The following PHAF1 variants were observed in gnomAD, a reference collection of about 807,000 sequenced individuals.
PHAF1 encodes phagophore assembly factor 1, also known as phagosome assembly factor 1.
Under a neutral mutation model 63.1 loss-of-function variants are expected in PHAF1, and 23 were observed. The observed-to-expected ratio is 0.36, with a 90% CI of 0.26 to 0.52. The LOEUF (loss-of-function observed/expected upper bound fraction) is 0.52, where lower values mean the gene tolerates loss of function less well. Ranked by LOEUF, PHAF1 falls within the 20% of genes least tolerant of loss-of-function variation. The probability of loss-of-function intolerance (pLI) is 0.93; values close to 1 mark genes in which losing one functional copy is unlikely to be tolerated. For missense variants in PHAF1, 427 were observed against 517.2 expected, an observed-to-expected ratio of 0.83 and a Z score of 1.69; for synonymous variants, 167 against 185.0, an observed-to-expected ratio of 0.90 and a Z score of 0.79.
intron 8 of PHAF1, among the ~76,000 whole-genome samples, chr16:67,136,754 A>G (rs1158694189): frequency 6.6e-6 from 1 of 151,566 alleles, no homozygotes; most frequent in Non-Finnish European, 1.5e-5. Context: ...AGCTAATTCT[A>G]TTTTTTTGTA....
At chr16:67,144,783 T>G (rs749657309) in intron 11 of PHAF1, 51 bp from the exon 12 acceptor site, 98 of 1,583,236 alleles carry the variant, frequency 6.2e-5, no homozygotes, top group Non-Finnish European at 8.7e-7. Flanking sequence ...AATATGGGAG[T>G]GGCCAGGCCT....
At position 67,123,580 on chromosome 16, in the gene PHAF1, A is replaced by T. The variant is rs186412110; in HGVS notation, c.148-2379A>T. 1.3e-3 allele frequency among the ~76,000 whole-genome samples: 194 copies of T among 152,046 alleles called. 4 individuals carry two copies. The East Asian group carries it at 0.027, about 21-fold the overall frequency. The stretch of plus-strand genomic sequence containing the variant: ...AGAGTGAGACTCCATCTCAAAAAAA[A>T]TTTTTTTGTAGAGACAGGGTCTCAT... On this transcript the variant is annotated intron_variant, in intron 2 of 15. Transcript: ENST00000219139.
intron 8 of PHAF1, among the ~76,000 whole-genome samples, chr16:67,138,926 A>G (rs1963701667): frequency 6.6e-6 from 1 of 151,826 alleles, no homozygotes. Context: ...GTACTTTTGT[A>G]GTTTTTTTTT....
rs1597219277 is a variant in PHAF1 at position 67,145,259 on chromosome 16, C to T, written c.1007-117C>T. On this transcript the variant is annotated intron_variant, in intron 12 of 15. Coordinates refer to ENST00000219139, the MANE Select transcript of PHAF1 (RefSeq NM_025187.5). ...GGAACTCCAAAACAGCCTGTTAATC[C>T]TCCCCATGTACTCCAACCCCAGTGC... 8 of 1,166,274 alleles carry T rather than the reference C, an allele frequency of 6.9e-6. No individual in the cohort carries two copies. In the East Asian group the frequency reaches 2.0e-4, roughly 30 times the overall value. The allele number at this position is 1,166,274 out of a possible 1,614,324, so 72.2% of individuals were successfully genotyped here.
At chr16:67,125,114 G>A (rs1963135932) in intron 2 of PHAF1, among the ~76,000 whole-genome samples, 1 of 152,100 alleles carries the variant, frequency 6.6e-6, no homozygotes, top group Non-Finnish European at 1.5e-5. Flanking sequence ...CAGGTATTGG[G>A]CTAGATGCTT....
At chr16:67,127,028 A>G (rs1321388185) in intron 3 of PHAF1, among the ~76,000 whole-genome samples, 3 of 151,752 alleles carry the variant, frequency 2.0e-5, no homozygotes, top group Middle Eastern at 3.2e-3. Context: ...AGCTGGGACT[A>G]CAGGTGCGTG....
At chr16:67,131,245 A>G (rs1020320091) in intron 3 of PHAF1, 41 bp from the exon 4 acceptor site, 3 of 1,274,302 alleles carry the variant, frequency 2.4e-6, no homozygotes, top group African/African-American at 3.3e-5. Flanking sequence ...TTAGTCTGTC[A>G]TCACTTTCAG....
At chr16:67,140,816 T>C (rs565207033) in intron 10 of PHAF1, among the ~76,000 whole-genome samples, 10 of 152,366 alleles carry the variant, frequency 6.6e-5, no homozygotes, top group African/African-American at 2.4e-4. Flanking sequence ...CTGGTACCTG[T>C]TGACTTCTTT....
Position 67,132,801 on chromosome 16 carries a change from C to T in PHAF1, c.356-16C>T. 1.9e-6 allele frequency: 3 copies of T among 1,590,076 alleles called. No homozygotes were observed. Among genetic ancestry groups the T allele is most frequent in the South Asian group, 1.1e-5 (1 of 90,600 alleles). On this transcript the variant is annotated splice_polypyrimidine_tract_variant and intron_variant, in intron 5 of 15. Transcript: ENST00000219139. ...CCAGTCAACCATGTTATTTTCTTCT[C>T]CCCCACCCCCAACAGTGTACAACTC...
intron 8 of PHAF1, among the ~76,000 whole-genome samples, chr16:67,139,029 C>T (rs549513007): frequency 6.6e-6 from 1 of 151,976 alleles, no homozygotes; most frequent in Non-Finnish European, 1.5e-5. Flanking sequence ...AGTGATCCTC[C>T]CACCTTAGCC....
Position 67,132,539 on chromosome 16 carries a change from A to G in PHAF1, c.355+14A>G. ...CCCATCCTGGAGGTAAGCCAAGTCC[A>G]TCTGATTCCTCTGGTCATCAGTGGC... On this transcript the variant is annotated intron_variant, in intron 5 of 15. Transcript: ENST00000219139. 2 of 1,610,788 alleles carry G rather than the reference A, an allele frequency of 1.2e-6. No homozygotes were observed. The highest frequency in any genetic ancestry group is 1.7e-4 in the Middle Eastern group (1 of 6,056).
At chr16:67,139,003 C>G (rs1963704331) in intron 8 of PHAF1, among the ~76,000 whole-genome samples, 1 of 152,128 alleles carries the variant, frequency 6.6e-6, no homozygotes, top group South Asian at 2.1e-4. Flanking sequence ...ACTGCAGTCT[C>G]TGCCTCCTGG....
intron 3 of PHAF1, among the ~76,000 whole-genome samples, chr16:67,130,007 TG>T (rs931707373): frequency 1.3e-5 from 2 of 152,230 alleles, no homozygotes; most frequent in Non-Finnish European, 2.9e-5. Flanking sequence ...TCCATCTTTT[TG>T]TTTTGTAAAC....
chr16:67,136,469 A>G (rs555728081), intron 8 of PHAF1, among the ~76,000 whole-genome samples: 4 of 147,036 alleles, frequency 2.7e-5, no homozygotes, highest in East Asian at 2.0e-4. Flanking sequence ...CCATAAAGAG[A>G]GCTGAGAACC....
chr16:67,117,577 C>T (rs1335050312), intron 1 of PHAF1, among the ~76,000 whole-genome samples: 1 of 151,250 alleles, frequency 6.6e-6, no homozygotes, highest in Non-Finnish European at 1.5e-5. Flanking sequence ...GAGATCGAGA[C>T]CATCCTGGCT....
At chr16:67,127,761 A>C (rs889530920) in intron 3 of PHAF1, among the ~76,000 whole-genome samples, 7 of 151,748 alleles carry the variant, frequency 4.6e-5, no homozygotes, top group Non-Finnish European at 7.4e-5. Context: ...GCACCACTGC[A>C]CTCCAGCCTG....
At chr16:67,138,460 T>A (rs1287610753) in intron 8 of PHAF1, among the ~76,000 whole-genome samples, 4 of 152,048 alleles carry the variant, frequency 2.6e-5, no homozygotes, top group Non-Finnish European at 5.9e-5. Flanking sequence ...TAAGATGGTG[T>A]CAGTGATTAT....
intron 2 of PHAF1, 104 bp from the exon 3 acceptor site, chr16:67,125,855 G>C: frequency 1.2e-6 from 1 of 824,208 alleles, no homozygotes. Flanking sequence ...GGGACTGTCT[G>C]CACTTAGATA....
At chr16:67,132,346 C>T in intron 4 of PHAF1, 100 bp from the exon 5 acceptor site, 2 of 1,049,130 alleles carry the variant, frequency 1.9e-6, no homozygotes, top group South Asian at 1.6e-5. Flanking sequence ...TAGAGACTCA[C>T]CTGCCTGTGT....
Sources: allele counts gnomAD v4.1 joint callset (sites outside exome capture counted in the v4.1 genomes callset), GRCh38; gene constraint gnomAD v4.1.1; transcripts MANE v1.5; gene names NCBI Gene and HGNC (gene_info 2026-07-23, HGNC 2026-07-21).